The following EDA variants were observed in gnomAD, a reference collection of about 807,000 sequenced individuals.
EDA encodes the protein ectodysplasin A.
In EDA, 2 loss-of-function variants were observed where a neutral mutation model predicts 23.6. The observed-to-expected ratio is 0.08, with a 90% CI of 0.03 to 0.27. The LOEUF is 0.27. Among genes scored for constraint, EDA ranks in the 10% least tolerant of loss-of-function variants. EDA has a pLI of 1.00. For synonymous variants in EDA, 131 were observed against 132.0 expected (o/e 0.99, Z 0.05); for missense variants, 229 against 324.2 (o/e 0.71, Z 2.26).
At position 69,737,856 on chromosome X, in the gene EDA, A is replaced by ATT. The variant is rs58855898; in HGVS notation, c.396+121160_396+121161dup. 2.0e-4 allele frequency among the ~76,000 whole-genome samples: 21 copies of ATT among 107,120 alleles called. 1 individual carries two copies. Among genetic ancestry groups the ATT allele is most frequent in the African/African-American group, 5.1e-4 (15 of 29,637 alleles). The allele number at this position is 107,120 out of a possible 115,157, so 93.0% of individuals were successfully genotyped here. On this transcript the variant is annotated intron_variant, in intron 1 of 7. Coordinates refer to ENST00000374552, the MANE Select transcript of EDA (RefSeq NM_001399.5). ...TGGGTGAAGGATTCTAGGCTGACAG[A>ATT]TTTTTTTTTCTTTCATCACTTCAAA...
intron 1 of EDA, among the ~76,000 whole-genome samples, chrX:69,761,450 G>A (rs1179200399): frequency 8.9e-6 from 1 of 111,986 alleles, no homozygotes; most frequent in East Asian, 2.8e-4. Context: ...TCCTGTGAAG[G>A]AAGTAGTACT....
chrX:69,898,311 G>A (rs1395261202), intron 1 of EDA, among the ~76,000 whole-genome samples: 4 of 111,580 alleles, frequency 3.6e-5, no homozygotes, highest in African/African-American at 9.8e-5. Flanking sequence ...GGTGGCTCAC[G>A]CCTGTAATCC....
rs188110683 is a variant in EDA, at chrX:69,703,270, G to A, written c.396+86566G>A. Among the ~76,000 whole-genome samples, 251 of 111,399 alleles carry A rather than the reference G, an allele frequency of 2.3e-3. 2 individuals are homozygous for A. Among genetic ancestry groups the A allele is most frequent in the Non-Finnish European group, 2.1e-3 (114 of 53,063 alleles). ...CGTGCAGATTTTTCCCTGTTAACCA[G>A]GCTCCCAGGAAACTTTACCAGTAGG... On this transcript the variant is annotated intron_variant, in intron 1 of 7. Coordinates refer to ENST00000374552, the MANE Select transcript of EDA (RefSeq NM_001399.5).
chrX:69,766,090 A>G (rs1019357500), intron 1 of EDA, among the ~76,000 whole-genome samples: 5 of 111,718 alleles, frequency 4.5e-5, no homozygotes, highest in African/African-American at 1.3e-4. Context: ...GTAGTATTCC[A>G]TGTTATGGAT....
intron 1 of EDA, among the ~76,000 whole-genome samples, chrX:69,788,553 G>T (rs1378648242): frequency 1.8e-5 from 2 of 111,873 alleles, no homozygotes; most frequent in Non-Finnish European, 3.8e-5. Flanking sequence ...TCCTGGCCGT[G>T]TGAGGTGTCA....
chrX:69,636,898 C>A (rs1377027911), intron 1 of EDA, among the ~76,000 whole-genome samples: 1 of 110,929 alleles, frequency 9.0e-6, no homozygotes, highest in African/African-American at 3.3e-5. Context: ...TGGGGTGTGG[C>A]AAGGTTGTAG....
intron 1 of EDA, among the ~76,000 whole-genome samples, chrX:69,933,407 C>T (rs748435931): frequency 1.8e-5 from 2 of 111,778 alleles, no homozygotes; most frequent in Non-Finnish European, 1.9e-5. Context: ...ATAGGCCTGG[C>T]GTGGTGGCTC....
intron 1 of EDA, among the ~76,000 whole-genome samples, chrX:69,871,811 T>G (rs1386428602): frequency 8.9e-6 from 1 of 112,095 alleles, no homozygotes; most frequent in Non-Finnish European, 1.9e-5. Context: ...CCTAAAAGTT[T>G]GGAAAAGATA....
chrX:69,802,780 T>C (rs2015723433), intron 1 of EDA, among the ~76,000 whole-genome samples: 1 of 111,853 alleles, frequency 8.9e-6, no homozygotes, highest in African/African-American at 3.2e-5. Flanking sequence ...GCACAGTTTT[T>C]CAGTTTCACC....
chrX:69,684,387 G>A (rs765454539), intron 1 of EDA, among the ~76,000 whole-genome samples: 1 of 111,189 alleles, frequency 9.0e-6, no homozygotes, highest in Non-Finnish European at 1.9e-5. Context: ...TTATAATATA[G>A]CTCAGTAATT....
intron 1 of EDA, among the ~76,000 whole-genome samples, chrX:69,626,922 G>A (rs1016184497): frequency 8.1e-5 from 9 of 111,307 alleles, no homozygotes; most frequent in African/African-American, 2.6e-4. Flanking sequence ...TGTAAGGGGC[G>A]TTGGTTGTTT....
intron 1 of EDA, among the ~76,000 whole-genome samples, chrX:69,926,327 G>T (rs2018517769): frequency 9.0e-6 from 1 of 111,272 alleles, no homozygotes; most frequent in Non-Finnish European, 1.9e-5. Flanking sequence ...CACTGCTTTA[G>T]CTGTGTCCCA....
At chrX:69,877,040 ACCC>A (rs1284570407) in intron 1 of EDA, among the ~76,000 whole-genome samples, 12 of 112,437 alleles carry the variant, frequency 1.1e-4, no homozygotes, top group Admixed American at 9.4e-5. Context: ...ATACCACTAG[ACCC>A]AGCAGGGTGG....
chrX:69,786,817 C>A (rs1440128004), intron 1 of EDA, among the ~76,000 whole-genome samples: 1 of 111,050 alleles, frequency 9.0e-6, no homozygotes, highest in Non-Finnish European at 1.9e-5. Flanking sequence ...CCGCTTGGTG[C>A]AGAGCTGAGT....
At chrX:70,027,550 C>T (rs753173193) in intron 3 of EDA, among the ~76,000 whole-genome samples, 43 of 111,816 alleles carry the variant, frequency 3.8e-4, no homozygotes, top group African/African-American at 1.3e-3. Flanking sequence ...AGGCCAGGCG[C>T]GGTGGCTCAC....
At chrX:69,866,319 T>C (rs2017485054) in intron 1 of EDA, among the ~76,000 whole-genome samples, 1 of 111,521 alleles carries the variant, frequency 9.0e-6, no homozygotes, top group Non-Finnish European at 1.9e-5. Context: ...TTCATGTTGA[T>C]AGCCTGGGTC....
chrX:69,670,730 G>C (rs1374429730), intron 1 of EDA, among the ~76,000 whole-genome samples: 1 of 108,545 alleles, frequency 9.2e-6, no homozygotes, highest in Non-Finnish European at 1.9e-5. Flanking sequence ...TTTGCTGATT[G>C]AACTTTTCAG....
At chrX:69,712,775 G>A (rs2012124404) in intron 1 of EDA, among the ~76,000 whole-genome samples, 2 of 110,981 alleles carry the variant, frequency 1.8e-5, no homozygotes, top group African/African-American at 3.3e-5. Context: ...TGTTTATTGC[G>A]GCACTATTCA....
chrX:69,820,581 G>A (rs2016195349), intron 1 of EDA, among the ~76,000 whole-genome samples: 1 of 111,865 alleles, frequency 8.9e-6, no homozygotes, highest in South Asian at 3.7e-4. Flanking sequence ...GTGGTCAAAG[G>A]ACATGAACAG....
Sources: allele counts gnomAD v4.1 joint callset (sites outside exome capture counted in the v4.1 genomes callset), GRCh38; gene constraint gnomAD v4.1.1; transcripts MANE v1.5; gene names NCBI Gene and HGNC (gene_info 2026-07-23, HGNC 2026-07-21).